Variants in SLC12A2 observed in about 807,000 individuals in gnomAD.
The protein encoded by SLC12A2 is solute carrier family 12 member 2, also known as Na-K-2Cl cotransporter 1.
In SLC12A2, 67 loss-of-function variants were observed where a neutral mutation model predicts 136.3. The observed-to-expected ratio is 0.49, with a 90% CI of 0.40 to 0.60. The LOEUF is 0.60. Among genes scored for constraint, SLC12A2 ranks in the 20% least tolerant of loss-of-function variants. The probability of loss-of-function intolerance (pLI) is 0.00; values close to 1 mark genes in which losing one functional copy is unlikely to be tolerated. For synonymous variants in SLC12A2, 619 were observed against 562.9 expected, an observed-to-expected ratio of 1.10 and a Z score of -1.41; for missense variants, 1,322 against 1,534.7, an observed-to-expected ratio of 0.86 and a Z score of 2.32.
chr5:128,095,401 A>T (rs1484858917), intron 1 of SLC12A2, among the ~76,000 whole-genome samples: 3 of 152,064 alleles, frequency 2.0e-5, no homozygotes, highest in Non-Finnish European at 4.4e-5. Context: ...GGTAGGGCAG[A>T]ATCTTTTTGA....
chr5:128,102,113 T>C (rs568405793), intron 1 of SLC12A2, among the ~76,000 whole-genome samples: 1 of 152,312 alleles, frequency 6.6e-6, no homozygotes, highest in East Asian at 1.9e-4. Flanking sequence ...CTTATTTGTT[T>C]ATAGTAACAG....
In SLC12A2 at chr5:128,186,890, A is replaced by G. The variant is rs1257479620; in HGVS notation, c.*259A>G. On this transcript the variant is annotated 3_prime_UTR_variant, in exon 27 of 27. Transcript: ENST00000262461. ...TTTGTGAGAGTAGTTTTCCTTTGCT[A>G]CTTGAATAGCAATAAAAGCGTGTTA... The G allele has an allele frequency of 1.2e-5, 4 of 324,948 alleles. No homozygotes were observed. The highest frequency in any genetic ancestry group is 6.3e-5 in the African/African-American group (3 of 47,296). 20.1% of individuals were successfully genotyped at this position (324,948 alleles called of 1,614,324 possible).
intron 10 of SLC12A2, among the ~76,000 whole-genome samples, chr5:128,145,289 C>G (rs1006395810): frequency 6.6e-6 from 1 of 152,082 alleles, no homozygotes; most frequent in Non-Finnish European, 1.5e-5. Context: ...GTATCATATA[C>G]TCTGTTCTCT....
At position 128,139,974 on chromosome 5, in the gene SLC12A2, G is replaced by C. The variant is rs527440811; in HGVS notation, c.1621+1066G>C. On this transcript the variant is annotated intron_variant, in intron 9 of 26. Transcript: ENST00000262461. ...TAATAATATCATGGTGAGCTGAATT[G>C]CCTTTTTTGCTTGTTTGTTTTTGTT... Among the ~76,000 whole-genome samples the C allele has an allele frequency of 7.9e-5, 12 of 152,114 alleles. No homozygotes were observed. In the South Asian group the frequency reaches 2.5e-3, roughly 32 times the overall value.
intron 1 of SLC12A2, among the ~76,000 whole-genome samples, chr5:128,088,355 C>T (rs560300072): frequency 6.6e-6 from 1 of 152,080 alleles, no homozygotes; most frequent in African/African-American, 2.4e-5. Flanking sequence ...TACGTACACA[C>T]ACAGAGTGAA....
chr5:128,184,503 T>A lies in SLC12A2; in HGVS notation c.3435+2T>A. ...GAGCTTGAACTTTATAAGACCAAGG[T>A]ATTCTCTTCTGCTTCCTTTTCATTA... On this transcript the variant is annotated splice_donor_variant, in intron 25 of 26. Coordinates refer to ENST00000262461, the MANE Select transcript of SLC12A2 (RefSeq NM_001046.3). LOFTEE classifies it high-confidence loss of function. 1 of 1,578,574 alleles carries A rather than the reference T, an allele frequency of 6.3e-7. No homozygotes were observed. Among genetic ancestry groups the A allele is most frequent in the Non-Finnish European group, 8.6e-7 (1 of 1,168,910 alleles).
At position 128,158,057 on chromosome 5, in the gene SLC12A2, C is replaced by T; in HGVS notation, c.2368C>T (p.Gln790Ter). ...VEDHVKNFRP[Q>*]CLVMTGAPNS... is the part of the protein sequence containing the mutation. Reference sequence around the variant, plus strand: ...TGTCTTTTCATCTTAAATTAGGCCACAGTGTCTTGTTATGACAGGTGCTCC... The same window carrying T: ...TGTCTTTTCATCTTAAATTAGGCCATAGTGTCTTGTTATGACAGGTGCTCC... The change falls in exon 16 of 27, where the codon CAG becomes TAG. Residue 790 changes from glutamine (Q) to a stop codon, truncating the protein, a stop_gained. Coordinates refer to ENST00000262461, the MANE Select transcript of SLC12A2 (RefSeq NM_001046.3). LOFTEE classifies it high-confidence loss of function. The T allele has an allele frequency of 1.2e-6, 2 of 1,606,138 alleles. No homozygotes were observed. Among genetic ancestry groups the T allele is most frequent in the Non-Finnish European group, 1.7e-6 (2 of 1,177,366 alleles).
At chr5:128,138,962 T>A in intron 9 of SLC12A2, 54 bp downstream of exon 9, 1 of 1,103,170 alleles carries the variant, frequency 9.1e-7, no homozygotes, top group Non-Finnish European at 1.4e-6. Context: ...ATGTACGTAC[T>A]ATAAATACTT....
intron 4 of SLC12A2, among the ~76,000 whole-genome samples, chr5:128,115,762 A>G (rs556691404): frequency 6.6e-6 from 1 of 152,138 alleles, no homozygotes; most frequent in Non-Finnish European, 1.5e-5. Flanking sequence ...ATATAACACA[A>G]TTTCCACTTT....
rs973101560 is a variant in SLC12A2 at position 128,146,750 on chromosome 5, T to C, written c.1774-872T>C. Among the ~76,000 whole-genome samples, 17 of 151,846 alleles carry C rather than the reference T, an allele frequency of 1.1e-4. 1 individual carries two copies. The highest frequency in any genetic ancestry group is 6.6e-4 in the Admixed American group (10 of 15,240). Reference sequence around the variant, plus strand: ...TTTTCGCTGGAAATATTTCCACATTTAGCTCTAGAAGATAAAAGGTTAGAA... The same window carrying C: ...TTTTCGCTGGAAATATTTCCACATTCAGCTCTAGAAGATAAAAGGTTAGAA... On this transcript the variant is annotated intron_variant, in intron 10 of 26. Transcript: ENST00000262461.
intron 14 of SLC12A2, among the ~76,000 whole-genome samples, 180 bp downstream of exon 14, chr5:128,151,576 A>G (rs1460327448): frequency 1.3e-5 from 2 of 151,652 alleles, no homozygotes; most frequent in African/African-American, 4.8e-5. Flanking sequence ...TTTCAAATAC[A>G]TGTAGTTTTA....
intron 16 of SLC12A2, among the ~76,000 whole-genome samples, chr5:128,161,332 AGGT>A (rs1428927772): frequency 6.6e-6 from 1 of 152,180 alleles, no homozygotes; most frequent in Non-Finnish European, 1.5e-5. Context: ...GAAAAATAGA[AGGT>A]GGTTATTTTA....
intron 15 of SLC12A2, among the ~76,000 whole-genome samples, chr5:128,154,751 A>C (rs1021710108): frequency 2.0e-5 from 3 of 152,156 alleles, no homozygotes; most frequent in African/African-American, 7.2e-5. Flanking sequence ...CCACGAAGTT[A>C]GTGCCTTTTC....
At chr5:128,137,420 C>T (rs1762221485) in intron 7 of SLC12A2, among the ~76,000 whole-genome samples, 2 of 152,100 alleles carry the variant, frequency 1.3e-5, no homozygotes, top group African/African-American at 2.4e-5. Context: ...TGTCTCCTTC[C>T]TTATATTTGC....
chr5:128,181,474 T>C (rs528138034), intron 23 of SLC12A2, among the ~76,000 whole-genome samples: 1 of 152,324 alleles, frequency 6.6e-6, no homozygotes, highest in East Asian at 1.9e-4. Flanking sequence ...ACCTGTAACA[T>C]GTATATTGTA....
At chr5:128,168,772 G>A (rs1438313121) in intron 18 of SLC12A2, 1 of 152,166 alleles carries the variant, frequency 6.6e-6, no homozygotes, top group African/African-American at 2.4e-5. Flanking sequence ...TGGTGCCGCT[G>A]CTGATCTGAT....
chr5:128,126,382 A>C (rs1761796574), intron 4 of SLC12A2, among the ~76,000 whole-genome samples: 2 of 152,196 alleles, frequency 1.3e-5, no homozygotes, highest in African/African-American at 2.4e-5. Flanking sequence ...AGGCAGTAAC[A>C]GATGCTGGAG....
chr5:128,149,652 A>G (rs1465262518), intron 12 of SLC12A2, among the ~76,000 whole-genome samples: 1 of 151,938 alleles, frequency 6.6e-6, no homozygotes, highest in African/African-American at 2.4e-5. Context: ...TTTCAGAATG[A>G]TACATATGGT....
chr5:128,164,600 C>A (rs776265400), intron 17 of SLC12A2, among the ~76,000 whole-genome samples: 5 of 152,116 alleles, frequency 3.3e-5, no homozygotes, highest in Non-Finnish European at 5.9e-5. Context: ...AAACCTGTTA[C>A]ACAAAGTGTC....
Sources: gnomAD v4.1 joint callset for allele counts (sites outside exome capture counted in the v4.1 genomes callset) on GRCh38, gnomAD v4.1.1 for gene constraint, MANE v1.5 for transcripts, NCBI Gene and HGNC (gene_info 2026-07-23, HGNC 2026-07-21) for gene names.